Variants in SYCP1 observed in about 807,000 individuals in gnomAD.
The protein encoded by SYCP1 is cancer/testis antigen 8.
In SYCP1, 64 loss-of-function variants were observed where a neutral mutation model predicts 153.1. That is an observed-to-expected ratio of 0.42 (90% CI 0.34 to 0.51). The LOEUF (loss-of-function observed/expected upper bound fraction) is 0.51, where lower values mean the gene tolerates loss of function less well. Among genes scored for constraint, SYCP1 ranks in the 20% least tolerant of loss-of-function variants. The pLI is 0.06. For missense variants in SYCP1, 997 were observed against 1,049.0 expected (o/e 0.95, Z 0.68); for synonymous variants, 384 against 341.8 (o/e 1.12, Z -1.36).
intron 27 of SYCP1, among the ~76,000 whole-genome samples, chr1:114,966,689 C>CTT (rs373044329): frequency 2.8e-5 from 4 of 140,598 alleles, no homozygotes; most frequent in Admixed American, 7.1e-5. Flanking sequence ...TTCTTTCTTT[C>CTT]TTTTTTTTTT....
intron 27 of SYCP1, among the ~76,000 whole-genome samples, chr1:114,975,347 T>G (rs960101480): frequency 1.3e-5 from 2 of 151,482 alleles, no homozygotes; most frequent in African/African-American, 4.8e-5. Context: ...TGTGTGTGTG[T>G]GTGTGTGTGT....
rs370451039 is a variant in SYCP1, at chr1:114,917,810, G to A, written c.1718+3765G>A. On this transcript the variant is annotated intron_variant, in intron 20 of 31. Transcript: ENST00000369522. ...TGAAAAATGCCTATTTAGATCTTTC[G>A]CCCATTTTTTCCCATAGGATTATTA... Among the ~76,000 whole-genome samples, 13 of 151,836 alleles carry A rather than the reference G, an allele frequency of 8.6e-5. No homozygotes were observed. In the South Asian group the frequency reaches 1.2e-3, roughly 15 times the overall value.
At chr1:114,900,090 A>G (rs934942363) in intron 16 of SYCP1, among the ~76,000 whole-genome samples, 1 of 152,180 alleles carries the variant, frequency 6.6e-6, no homozygotes, top group Non-Finnish European at 1.5e-5. Context: ...TTGTGCTTTT[A>G]TTTTAATGCT....
intron 30 of SYCP1, among the ~76,000 whole-genome samples, chr1:114,987,197 A>G (rs998314518): frequency 6.6e-6 from 1 of 152,066 alleles, no homozygotes; most frequent in African/African-American, 2.4e-5. Context: ...GTTTAAGCAA[A>G]GAGGCTTAAA....
intron 12 of SYCP1, among the ~76,000 whole-genome samples, chr1:114,884,781 G>A (rs1033028550): frequency 2.6e-5 from 4 of 152,178 alleles, no homozygotes; most frequent in Admixed American, 1.3e-4. Context: ...AAAGTAGTCA[G>A]ACTGGTTAAG....
At chr1:114,988,080 C>CAAAAAAAAAAAAAAAAAAAAA (rs34553973) in intron 30 of SYCP1, among the ~76,000 whole-genome samples, 4 of 114,634 alleles carry the variant, frequency 3.5e-5, no homozygotes, top group Non-Finnish European at 5.1e-5. Context: ...TGATAAACGG[C>CAAAAAAAAAAAAAAAAAAAAA]AAAAAAAAAA....
intron 29 of SYCP1, among the ~76,000 whole-genome samples, chr1:114,983,272 C>T (rs1673282501): frequency 1.3e-5 from 2 of 151,930 alleles, no homozygotes; most frequent in South Asian, 4.1e-4. Context: ...TTCAAAGCTT[C>T]CCCATGGATA....
At chr1:114,912,025 A>G (rs1295970140) in intron 18 of SYCP1, among the ~76,000 whole-genome samples, 1 of 152,016 alleles carries the variant, frequency 6.6e-6, no homozygotes, top group Non-Finnish European at 1.5e-5. Flanking sequence ...GGAAATTATT[A>G]TTGTATTATT....
chr1:114,888,125 T>C (rs1015877448), intron 15 of SYCP1, among the ~76,000 whole-genome samples: 3 of 152,158 alleles, frequency 2.0e-5, no homozygotes, highest in African/African-American at 7.2e-5. Flanking sequence ...TAAGGTGTTA[T>C]TAAAATTCAA....
chr1:114,910,530 A>G, intron 17 of SYCP1, 29 bp downstream of exon 17: 1 of 1,391,058 alleles, frequency 7.2e-7, no homozygotes, highest in Non-Finnish European at 9.7e-7. Context: ...TTTTATTTTA[A>G]ATATTTTGTT....
At chr1:114,967,700 G>T (rs1239707401) in intron 27 of SYCP1, among the ~76,000 whole-genome samples, 2 of 151,690 alleles carry the variant, frequency 1.3e-5, no homozygotes, top group African/African-American at 4.8e-5. Context: ...TAATATTGTT[G>T]TGTGTGAATT....
chr1:114,871,392 T>C (rs1486775053), intron 8 of SYCP1, among the ~76,000 whole-genome samples: 4 of 152,212 alleles, frequency 2.6e-5, no homozygotes, highest in South Asian at 4.2e-4. Flanking sequence ...GGTCTTGAAC[T>C]CTTGACCTCA....
intron 29 of SYCP1, among the ~76,000 whole-genome samples, chr1:114,983,920 ATT>A (rs1460007890): frequency 1.3e-5 from 2 of 151,684 alleles, no homozygotes; most frequent in Non-Finnish European, 2.9e-5. Context: ...ATTTAATTTA[ATT>A]TTTGTTTTTG....
intron 27 of SYCP1, among the ~76,000 whole-genome samples, chr1:114,968,564 TAGC>T (rs1351953566): frequency 6.6e-6 from 1 of 152,216 alleles, no homozygotes; most frequent in East Asian, 1.9e-4. Context: ...TTATTCTAGT[TAGC>T]ACTTCCTGTA....
intron 12 of SYCP1, among the ~76,000 whole-genome samples, chr1:114,883,711 A>G (rs938715034): frequency 2.0e-5 from 3 of 152,152 alleles, no homozygotes; most frequent in Non-Finnish European, 2.9e-5. Context: ...GGACACCACA[A>G]TCATTAGTCA....
At chr1:114,972,327 C>T (rs1190541816) in intron 27 of SYCP1, among the ~76,000 whole-genome samples, 2 of 151,700 alleles carry the variant, frequency 1.3e-5, no homozygotes, top group Non-Finnish European at 2.9e-5. Flanking sequence ...GTCTGCCTGG[C>T]TAACGGTTTG....
rs1664538164 is a variant in SYCP1, at chr1:114,863,829, G to C, written c.598+3020G>C. ...GAGTTCATGTCCTTTGCAGGGACAT[G>C]GATGAAGCTGGAAACCATCATTCTC... On this transcript the variant is annotated intron_variant, in intron 8 of 31. Coordinates refer to ENST00000369522, the MANE Select transcript of SYCP1 (RefSeq NM_003176.4). Among the ~76,000 whole-genome samples, 4 of 151,914 alleles carry C rather than the reference G, an allele frequency of 2.6e-5. No homozygotes were observed. In the South Asian group the frequency reaches 8.3e-4, roughly 32 times the overall value.
chr1:114,916,570 G>C (rs920400441), intron 20 of SYCP1, among the ~76,000 whole-genome samples: 5 of 150,650 alleles, frequency 3.3e-5, no homozygotes, highest in African/African-American at 1.2e-4. Context: ...GATAAGCTTT[G>C]GAAGCTTTCA....
chr1:114,868,446 T>C (rs1001567947), intron 8 of SYCP1, among the ~76,000 whole-genome samples: 1 of 152,170 alleles, frequency 6.6e-6, no homozygotes, highest in Non-Finnish European at 1.5e-5. Context: ...TGTGTCAGGC[T>C]CCTTTTATAT....
Sources: allele counts gnomAD v4.1 joint callset (sites outside exome capture counted in the v4.1 genomes callset), GRCh38; gene constraint gnomAD v4.1.1; transcripts MANE v1.5; gene names NCBI Gene and HGNC (gene_info 2026-07-23, HGNC 2026-07-21).